CELA3B: variants seen among roughly 807,000 people sequenced by gnomAD.
The protein encoded by CELA3B is chymotrypsin like elastase 3B.
CELA3B carries 34 observed loss-of-function variants against 37.2 expected under a neutral mutation model. The ratio of observed to expected loss-of-function variants is 0.91; its 90% CI spans 0.70 to 1.22. The LOEUF (loss-of-function observed/expected upper bound fraction) is 1.22. CELA3B is among the 50% of genes most tolerant of loss of function. The pLI is 0.00. For synonymous variants in CELA3B, 127 were observed against 143.5 expected (o/e 0.89, Z 0.82); for missense variants, 340 against 363.1 (o/e 0.94, Z 0.52).
At chr1:21,983,911 C>G in intron 5 of CELA3B, 81 bp downstream of exon 5, 2 of 1,417,362 alleles carry the variant, frequency 1.4e-6, no homozygotes, top group Non-Finnish European at 1.9e-6. Flanking sequence ...AAGGTAACAC[C>G]AAGACCAGAC....
chr1:21,989,564 T>C (rs1644860319), downstream of CELA3B, among the ~76,000 whole-genome samples: 2 of 146,366 alleles, frequency 1.4e-5, no homozygotes, highest in Non-Finnish European at 3.0e-5. Flanking sequence ...GGACATTTAA[T>C]GCTAAAACTG....
chr1:21,981,717 T>C (rs1241218932), intron 4 of CELA3B, among the ~76,000 whole-genome samples: 6 of 124,606 alleles, frequency 4.8e-5, no homozygotes, highest in Admixed American at 1.0e-4. Context: ...CCTTCAAGTG[T>C]ACAAAAAATT....
chr1:21,985,546 G>A (rs7520656), intron 6 of CELA3B, among the ~76,000 whole-genome samples: 135,416 of 151,252 alleles, frequency 0.9, 61,035 homozygotes, highest in Middle Eastern at 0.96. Context: ...CCAAAGTGTT[G>A]TGTTTACAGA....
At chr1:21,985,615 G>C (rs1234839951) in intron 6 of CELA3B, among the ~76,000 whole-genome samples, 2 of 151,978 alleles carry the variant, frequency 1.3e-5, no homozygotes, top group African/African-American at 4.8e-5. Flanking sequence ...AAAATGGCCG[G>C]GCTTGGTGGC....
At chr1:21,996,250 A>G (rs1644889641) in intron 4 of CELA3B, among the ~76,000 whole-genome samples, 1 of 151,050 alleles carries the variant, frequency 6.6e-6, no homozygotes. Context: ...ATAGCCAGTT[A>G]AGGTTAAGGC....
At chr1:21,995,149 T>TC (rs776163373) in intron 4 of CELA3B, among the ~76,000 whole-genome samples, 14 of 137,532 alleles carry the variant, frequency 1.0e-4, no homozygotes, top group Admixed American at 1.4e-4. Context: ...TCTTTCTTTT[T>TC]TTTTTTTTTT....
chr1:21,984,103 A>G, intron 5 of CELA3B, 86 bp from the exon 6 acceptor site: 1 of 1,497,446 alleles, frequency 6.7e-7, no homozygotes, highest in Non-Finnish European at 9.1e-7. Context: ...AGAGCAGAAG[A>G]ACTGTGCGCC....
rs532750570 is a variant in CELA3B at position 21,984,082 on chromosome 1, G to C, written c.500-107G>C. 6.5e-5 allele frequency: 90 copies of C among 1,393,002 alleles called. No homozygotes were observed. The African/African-American group carries it at 1.1e-3, about 18-fold the overall frequency. 86.3% of individuals were successfully genotyped at this position (1,393,002 alleles called of 1,614,324 possible). On this transcript the variant is annotated intron_variant, in intron 5 of 7. Transcript: ENST00000337107. The stretch of plus-strand genomic sequence containing the variant: ...CAGGACCATTTAGCGGGTGGGAGGA[G>C]AGTCCTCATCAGAGCAGAAGAACTG...
chr1:21,982,701 T>C (rs188326580), intron 4 of CELA3B, among the ~76,000 whole-genome samples: 5 of 152,112 alleles, frequency 3.3e-5, no homozygotes, highest in Admixed American at 3.3e-4. Flanking sequence ...TTTTTGAGAC[T>C]GAGTCTCGCT....
chr1:21,980,554 G>A (rs1477626755), intron 2 of CELA3B, among the ~76,000 whole-genome samples: 4 of 145,222 alleles, frequency 2.8e-5, no homozygotes, highest in African/African-American at 9.8e-5. Flanking sequence ...GAAACAGAAG[G>A]TAGAGAATGT....
chr1:21,979,453 C>CTTTTTTTTT (rs66459906), intron 2 of CELA3B, among the ~76,000 whole-genome samples: 2 of 85,440 alleles, frequency 2.3e-5, no homozygotes, highest in African/African-American at 4.2e-5. Flanking sequence ...CTTTTCTTTT[C>CTTTTTTTTT]TTTTTTTTTT....
intron 6 of CELA3B, among the ~76,000 whole-genome samples, chr1:21,985,823 G>A (rs1364620850): frequency 3.3e-5 from 5 of 151,988 alleles, no homozygotes; most frequent in Non-Finnish European, 5.9e-5. Context: ...CCTGGGAGGC[G>A]GAGCTTGCCG....
At chr1:21,980,577 G>C (rs1163229101) in intron 2 of CELA3B, among the ~76,000 whole-genome samples, 1 of 144,268 alleles carries the variant, frequency 6.9e-6, no homozygotes, top group African/African-American at 2.5e-5. Flanking sequence ...GGGTCCCCAG[G>C]GAGGTCATAG....
chr1:21,983,727 C>T lies in CELA3B; in HGVS notation c.396C>T (p.Ser132=), dbSNP rs776224334. The T allele has an allele frequency of 9.3e-6, 15 of 1,614,010 alleles. No homozygotes were observed. The highest frequency in any genetic ancestry group is 4.5e-5 in the East Asian group (2 of 44,884). The change falls in exon 5 of 8, where the codon AGC becomes AGT. Residue 132 remains serine, a synonymous_variant. Coordinates refer to ENST00000337107, the MANE Select transcript of CELA3B (RefSeq NM_007352.4). ...NDIALIKLSR[S]AQLGDAVQLA... is the part of the protein sequence containing the mutation. ...TCGCCCTCATCAAGCTCTCACGCAGCGCCCAGCTGGGAGACGCCGTCCAGC... is the reference window on the plus strand; with the variant it reads ...TCGCCCTCATCAAGCTCTCACGCAGTGCCCAGCTGGGAGACGCCGTCCAGC...
rs557132125 is a variant in CELA3B, at chr1:21,988,219, A to AAAAC, written c.796-1027_796-1024dup. ...AGAGCAAGACTCCATCTCAAAAACA[A>AAAAC]AAACAAACAAACAAACAAAAAAACA... On this transcript the variant is annotated intron_variant, in intron 7 of 7. Transcript: ENST00000337107. Among the ~76,000 whole-genome samples, 9 of 144,106 alleles carry AAAAC rather than the reference A, an allele frequency of 6.2e-5. No homozygotes were observed. In the East Asian group the frequency reaches 1.5e-3, roughly 23 times the overall value. 94.5% of individuals were successfully genotyped at this position (144,106 alleles called of 152,430 possible).
In CELA3B at chr1:21,978,768, A is replaced by G. The variant is rs542046123; in HGVS notation, c.129+314A>G. Among the ~76,000 whole-genome samples the G allele has an allele frequency of 3.9e-5, 6 of 152,256 alleles. No individual in the cohort carries two copies. The South Asian group carries it at 1.2e-3, about 32-fold the overall frequency. ...GAGATTTTGAGAGACTCATTTCTAG[A>G]TTCCTAGGATGATACAACAGGGCTA... is the stretch of plus-strand genomic sequence containing the variant. On this transcript the variant is annotated intron_variant, in intron 2 of 7. Coordinates refer to ENST00000337107, the MANE Select transcript of CELA3B (RefSeq NM_007352.4).
At chr1:21,989,939 A>G (rs1325981887), downstream of CELA3B, among the ~76,000 whole-genome samples, 2 of 150,826 alleles carry the variant, frequency 1.3e-5, no homozygotes, top group Non-Finnish European at 2.9e-5. Flanking sequence ...TTATAAAGGA[A>G]AGAAGTGTAA....
intron 7 of CELA3B, chr1:21,986,942 T>C (rs1644842287): frequency 2.1e-6 from 1 of 480,372 alleles, no homozygotes. Flanking sequence ...GTATCTCCTC[T>C]GGTCTTGTCC....
chr1:21,984,674 T>C (rs1389494177), intron 6 of CELA3B, among the ~76,000 whole-genome samples: 2 of 152,176 alleles, frequency 1.3e-5, no homozygotes, highest in East Asian at 1.9e-4. Flanking sequence ...TGGCTGGGCA[T>C]GGTGGCTCAT....
Sources: gnomAD v4.1 joint callset for allele counts (sites outside exome capture counted in the v4.1 genomes callset) on GRCh38, gnomAD v4.1.1 for gene constraint, MANE v1.5 for transcripts, NCBI Gene and HGNC (gene_info 2026-07-23, HGNC 2026-07-21) for gene names.